The following SLC35F4 variants were observed in gnomAD, a reference collection of about 807,000 sequenced individuals.
The protein encoded by SLC35F4 is chromosome 14 open reading frame 36.
A neutral mutation model predicts 44.2 loss-of-function variants in SLC35F4; 24 were observed. The observed-to-expected ratio is 0.54, with a 90% CI of 0.39 to 0.76. SLC35F4 has a LOEUF of 0.76. Ranked by LOEUF, SLC35F4 falls within the 30% of genes least tolerant of loss-of-function variation. The pLI is 0.00. For synonymous variants in SLC35F4, 238 were observed against 223.6 expected (o/e 1.06, Z -0.57); for missense variants, 562 against 586.1 (o/e 0.96, Z 0.42).
chr14:57,598,550 A>C (rs548825477), intron 1 of SLC35F4, among the ~76,000 whole-genome samples: 1 of 152,340 alleles, frequency 6.6e-6, no homozygotes, highest in East Asian at 1.9e-4. Context: ...ATAAAAGTTA[A>C]CTAGGAAAAG....
At chr14:57,866,263 C>A (rs899279356), upstream of SLC35F4, among the ~76,000 whole-genome samples, 3 of 152,118 alleles carry the variant, frequency 2.0e-5, no homozygotes, top group African/African-American at 7.2e-5. Context: ...GAGAAGGCGA[C>A]GGTGGCCAGG....
chr14:57,872,898 G>A (rs1307118606), intron 1 of SLC35F4, among the ~76,000 whole-genome samples: 1 of 152,146 alleles, frequency 6.6e-6, no homozygotes, highest in African/African-American at 2.4e-5. Context: ...GAAGAGCTCA[G>A]GTTAAGATGC....
In SLC35F4 at chr14:57,714,261, T is replaced by A. The variant is rs143818934; in HGVS notation, c.104-120137A>T. On this transcript the variant is annotated intron_variant, in intron 1 of 7. Coordinates refer to ENST00000556826, the MANE Select transcript of SLC35F4 (RefSeq NM_001306087.2). ...AAGTCATAGACCTGACAATAATGCA[T>A]CCACTCTTTAAGCCAGAAAATAGGA... is the stretch of plus-strand genomic sequence containing the variant. Among the ~76,000 whole-genome samples the A allele has an allele frequency of 3.4e-4, 52 of 152,316 alleles. 1 individual carries two copies. In the East Asian group the frequency reaches 5.6e-3, roughly 16 times the overall value.
At chr14:57,687,527 T>G (rs1405224601) in intron 1 of SLC35F4, among the ~76,000 whole-genome samples, 1 of 152,228 alleles carries the variant, frequency 6.6e-6, no homozygotes, top group East Asian at 1.9e-4. Context: ...ATGAGCTCTT[T>G]TGAATTCCAA....
intron 1 of SLC35F4, among the ~76,000 whole-genome samples, chr14:57,614,373 A>G (rs974550898): frequency 2.6e-5 from 4 of 152,174 alleles, no homozygotes; most frequent in Non-Finnish European, 5.9e-5. Flanking sequence ...GGTGCCCTGG[A>G]TATTTATTCT....
At chr14:57,639,882 A>G (rs78770529) in intron 1 of SLC35F4, among the ~76,000 whole-genome samples, 395 of 152,088 alleles carry the variant, frequency 2.6e-3, no homozygotes, top group African/African-American at 8.9e-3. Context: ...GTCCAGGATA[A>G]CCATAAGAAA....
At chr14:57,874,530 T>C (rs758611584) in intron 1 of SLC35F4, among the ~76,000 whole-genome samples, 7 of 152,166 alleles carry the variant, frequency 4.6e-5, no homozygotes, top group Non-Finnish European at 1.0e-4. Context: ...ACTTGCCCAG[T>C]GCAAAGTTTA....
intron 1 of SLC35F4, among the ~76,000 whole-genome samples, chr14:57,960,049 G>A (rs546893152): frequency 6.6e-6 from 1 of 152,312 alleles, no homozygotes; most frequent in Non-Finnish European, 1.5e-5. Flanking sequence ...GCCTGAGGGG[G>A]ACAAGTTACT....
intron 1 of SLC35F4, among the ~76,000 whole-genome samples, chr14:57,656,302 C>G (rs977011179): frequency 2.0e-5 from 3 of 148,798 alleles, no homozygotes; most frequent in Non-Finnish European, 4.5e-5. Context: ...CCCCCCCACA[C>G]CCCCCACACA....
chr14:57,876,518 T>C (rs969859303), intron 1 of SLC35F4, among the ~76,000 whole-genome samples: 1 of 152,178 alleles, frequency 6.6e-6, no homozygotes, highest in African/African-American at 2.4e-5. Context: ...AATGTCTATT[T>C]GCAACCAAAT....
At chr14:57,588,785 A>G (rs34191053) in intron 3 of SLC35F4, among the ~76,000 whole-genome samples, 38,381 of 152,074 alleles carry the variant, frequency 0.25, 5,679 homozygotes, top group Middle Eastern at 0.34. Flanking sequence ...TAACAATCTT[A>G]TTAATACCAT....
chr14:57,567,887 G>C (rs970740618), intron 6 of SLC35F4, among the ~76,000 whole-genome samples: 6 of 152,234 alleles, frequency 3.9e-5, no homozygotes, highest in African/African-American at 1.4e-4. Context: ...CCTGAGAGGA[G>C]TGAGGCAAAG....
intron 1 of SLC35F4, among the ~76,000 whole-genome samples, chr14:57,855,427 CA>C (rs1886991088): frequency 6.6e-6 from 1 of 152,040 alleles, no homozygotes; most frequent in African/African-American, 2.4e-5. Flanking sequence ...AGCCAAGAAA[CA>C]TATGAAAAAA....
chr14:57,742,621 A>G (rs180850306), intron 1 of SLC35F4, among the ~76,000 whole-genome samples: 81 of 152,328 alleles, frequency 5.3e-4, no homozygotes, highest in African/African-American at 1.9e-3. Context: ...TGCAATAATA[A>G]TGGGAGACTT....
At chr14:57,677,802 TAA>T (rs58558109) in intron 1 of SLC35F4, among the ~76,000 whole-genome samples, 2 of 149,078 alleles carry the variant, frequency 1.3e-5, no homozygotes, top group Non-Finnish European at 3.0e-5. Flanking sequence ...TTCTCAGAAA[TAA>T]AAAAAAAATT....
intron 1 of SLC35F4, among the ~76,000 whole-genome samples, chr14:57,697,279 T>C (rs1037925003): frequency 1.3e-5 from 2 of 152,216 alleles, no homozygotes; most frequent in African/African-American, 2.4e-5. Flanking sequence ...ATTTTTCAAA[T>C]GTCTTTTTGT....
chr14:57,855,542 G>T (rs1317164786), intron 1 of SLC35F4, among the ~76,000 whole-genome samples: 1 of 152,180 alleles, frequency 6.6e-6, no homozygotes, highest in Non-Finnish European at 1.5e-5. Flanking sequence ...GGAAACAACA[G>T]GTGCTGGAGA....
At chr14:57,819,728 G>A (rs142235867) in intron 1 of SLC35F4, among the ~76,000 whole-genome samples, 1 of 150,668 alleles carries the variant, frequency 6.6e-6, no homozygotes, top group African/African-American at 2.4e-5. Flanking sequence ...CAGGAGAATT[G>A]TTTGAACCTG....
chr14:57,849,730 G>A (rs1886384813), intron 1 of SLC35F4, among the ~76,000 whole-genome samples: 1 of 152,156 alleles, frequency 6.6e-6, no homozygotes. Context: ...GAAAACAGGA[G>A]AGAAAAGGTT....
Sources: allele counts gnomAD v4.1 joint callset (sites outside exome capture counted in the v4.1 genomes callset), GRCh38; gene constraint gnomAD v4.1.1; transcripts MANE v1.5; gene names NCBI Gene and HGNC (gene_info 2026-07-23, HGNC 2026-07-21).